FGFR2: variants seen among roughly 807,000 people sequenced by gnomAD.
FGFR2 encodes the protein BEK fibroblast growth factor receptor.
A neutral mutation model predicts 95.9 loss-of-function variants in FGFR2; 19 were observed. That is an observed-to-expected ratio of 0.20 (90% CI 0.14 to 0.29). FGFR2 has a LOEUF of 0.29. Ranked by LOEUF, FGFR2 falls within the 10% of genes least tolerant of loss-of-function variation. The pLI is 1.00. For missense variants in FGFR2, 707 were observed against 1,056.9 expected (o/e 0.67, Z 4.59); for synonymous variants, 392 against 393.3 (o/e 1.00, Z 0.04).
At chr10:121,523,245 G>C (rs1299879953) in intron 6 of FGFR2, among the ~76,000 whole-genome samples, 1 of 152,196 alleles carries the variant, frequency 6.6e-6, no homozygotes, top group Non-Finnish European at 1.5e-5. Flanking sequence ...CAAAGAACCT[G>C]AAGTTAAGAC....
intron 5 of FGFR2, among the ~76,000 whole-genome samples, chr10:121,544,243 C>T (rs1016710584): frequency 6.6e-6 from 1 of 151,908 alleles, no homozygotes; most frequent in Non-Finnish European, 1.5e-5. Context: ...TTCAGGAGAT[C>T]GAGACCAGCC....
chr10:121,581,347 G>C (rs925529668), intron 2 of FGFR2, among the ~76,000 whole-genome samples: 2 of 152,160 alleles, frequency 1.3e-5, no homozygotes, highest in Non-Finnish European at 2.9e-5. Context: ...CACTGGACAA[G>C]GGTCAACCTA....
rs978623127 is a variant in FGFR2 at position 121,542,834 on chromosome 10, C to G, written c.625-4119G>C. Among the ~76,000 whole-genome samples, 5 of 152,146 alleles carry G rather than the reference C, an allele frequency of 3.3e-5. No homozygotes were observed. In the South Asian group the frequency reaches 1.0e-3, roughly 32 times the overall value. ...AAAATGCCTATTAAATCCCAGGCTA[C>G]CCTCAGGTGACAACTGGGAATGTAG... On this transcript the variant is annotated intron_variant, in intron 5 of 17. Transcript: ENST00000358487.
chr10:121,581,146 C>T (rs556956309), intron 2 of FGFR2, among the ~76,000 whole-genome samples: 1 of 152,316 alleles, frequency 6.6e-6, no homozygotes, highest in East Asian at 1.9e-4. Flanking sequence ...GCCTGGAGGC[C>T]GCCGGGATGC....
rs1863206525 is a variant in FGFR2 at position 121,594,921 on chromosome 10, CAACTT to C, written c.-150-959_-150-955del. On this transcript the variant is annotated intron_variant, in intron 1 of 17. Coordinates refer to ENST00000358487, the MANE Select transcript of FGFR2 (RefSeq NM_000141.5). The stretch of plus-strand genomic sequence containing the variant: ...AGAGTATAAGTTAGAAGAGGACACT[CAACTT>C]AATATTCTGTTCACCCATTTGATCC... 2.6e-5 allele frequency among the ~76,000 whole-genome samples: 4 copies of C among 152,338 alleles called. No individual in the cohort carries two copies. In the South Asian group the frequency reaches 6.2e-4, roughly 24 times the overall value.
At chr10:121,502,532 C>T (rs1252116758) in intron 10 of FGFR2, among the ~76,000 whole-genome samples, 6 of 152,196 alleles carry the variant, frequency 3.9e-5, no homozygotes, top group African/African-American at 1.4e-4. Context: ...TGTGACATCA[C>T]GTGAATCAAA....
intron 3 of FGFR2, 76 bp from the exon 4 acceptor site, chr10:121,564,655 C>T (rs1857422686): frequency 3.0e-6 from 4 of 1,319,758 alleles, no homozygotes; most frequent in Non-Finnish European, 4.4e-6. Context: ...CAACTGAGAC[C>T]TTCTCCATAG....
intron 5 of FGFR2, 111 bp from the exon 6 acceptor site, chr10:121,538,826 A>G: frequency 2.9e-6 from 4 of 1,361,018 alleles, no homozygotes; most frequent in Non-Finnish European, 4.1e-6. Context: ...GGTATGGAAG[A>G]ATCACCTAAA....
intron 2 of FGFR2, among the ~76,000 whole-genome samples, chr10:121,592,383 C>G (rs1401597722): frequency 6.6e-6 from 1 of 152,114 alleles, no homozygotes; most frequent in Non-Finnish European, 1.5e-5. Context: ...GCTATACAAG[C>G]CTCAGACACA....
At chr10:121,583,788 G>T (rs902499098) in intron 2 of FGFR2, among the ~76,000 whole-genome samples, 1 of 151,412 alleles carries the variant, frequency 6.6e-6, no homozygotes, top group South Asian at 2.1e-4. Flanking sequence ...TGCTCAGGAA[G>T]AAGGGAAATT....
chr10:121,585,828 C>T (rs765130359), intron 2 of FGFR2, among the ~76,000 whole-genome samples: 11 of 152,132 alleles, frequency 7.2e-5, no homozygotes, highest in Admixed American at 1.3e-4. Context: ...TTCAGTTGTG[C>T]GTCTATTGCA....
Position 121,598,128 on chromosome 10 carries a change from G to T in FGFR2, c.-317C>A. 2.5e-6 allele frequency: 1 copy of T among 398,420 alleles called. No homozygotes were observed. Among genetic ancestry groups the T allele is most frequent in the Non-Finnish European group, 4.4e-6 (1 of 225,934 alleles). The allele number at this position is 398,420 out of a possible 1,614,324, so 24.7% of individuals were successfully genotyped here. A position where few individuals can be genotyped will look rare whatever the true frequency, so the allele number is the denominator to read the frequency against. ...CTCCCGGGCTTCACGCGTACCCCAGGCTGCGGAGGAGCGCGGGCATGACGC... is the reference window on the plus strand; with the variant it reads ...CTCCCGGGCTTCACGCGTACCCCAGTCTGCGGAGGAGCGCGGGCATGACGC... On this transcript the variant is annotated 5_prime_UTR_variant, in exon 1 of 18. Coordinates refer to ENST00000358487, the MANE Select transcript of FGFR2 (RefSeq NM_000141.5).
In FGFR2 at chr10:121,598,203, C is replaced by G. The variant is rs1317235133; in HGVS notation, c.-392G>C. 7.5e-6 allele frequency: 3 copies of G among 397,722 alleles called. No homozygotes were observed. Among genetic ancestry groups the G allele is most frequent in the Non-Finnish European group, 1.3e-5 (3 of 225,616 alleles). 24.6% of individuals were successfully genotyped at this position (397,722 alleles called of 1,614,324 possible). A position where few individuals can be genotyped will look rare whatever the true frequency, so the allele number is the denominator to read the frequency against. On this transcript the variant is annotated 5_prime_UTR_variant, in exon 1 of 18. Transcript: ENST00000358487. ...GAACGAGAGGAAGAAAGGACTCAGGCTTGGCGTTGCCTCCACCAAACTTTG... is the reference window on the plus strand; with the variant it reads ...GAACGAGAGGAAGAAAGGACTCAGGGTTGGCGTTGCCTCCACCAAACTTTG...
At chr10:121,559,990 A>G (rs1856716359) in intron 4 of FGFR2, among the ~76,000 whole-genome samples, 1 of 152,188 alleles carries the variant, frequency 6.6e-6, no homozygotes, top group Non-Finnish European at 1.5e-5. Flanking sequence ...CAGGCATCCA[A>G]AAACCAAGCT....
chr10:121,497,806 C>T (rs989990029), intron 12 of FGFR2, among the ~76,000 whole-genome samples: 7 of 152,142 alleles, frequency 4.6e-5, no homozygotes, highest in African/African-American at 1.2e-4. Context: ...ATGGCAGACA[C>T]GAGAAGTTGC....
chr10:121,551,143 C>A lies in FGFR2; in HGVS notation c.624+147G>T. Reference sequence around the variant, plus strand: ...GCTGAGGCAGGAGAATCGCTTGAACCTGGGAGATGGAGGTTGCAGTGAACC... The same window carrying A: ...GCTGAGGCAGGAGAATCGCTTGAACATGGGAGATGGAGGTTGCAGTGAACC... On this transcript the variant is annotated intron_variant, in intron 5 of 17. Coordinates refer to ENST00000358487, the MANE Select transcript of FGFR2 (RefSeq NM_000141.5). 11 of 872,896 alleles carry A rather than the reference C, an allele frequency of 1.3e-5. No homozygotes were observed. In the South Asian group the frequency reaches 1.6e-4, roughly 13 times the overall value. The allele number at this position is 872,896 out of a possible 1,614,324, so 54.1% of individuals were successfully genotyped here. A position where few individuals can be genotyped will look rare whatever the true frequency, so the allele number is the denominator to read the frequency against.
intron 13 of FGFR2, among the ~76,000 whole-genome samples, chr10:121,493,516 G>A (rs1846397816): frequency 6.6e-6 from 1 of 152,110 alleles, no homozygotes; most frequent in Non-Finnish European, 1.5e-5. Flanking sequence ...TCCCATGTGG[G>A]GCCTCTGTGC....
At chr10:121,513,874 G>T (rs1361355808) in intron 9 of FGFR2, among the ~76,000 whole-genome samples, 1 of 152,176 alleles carries the variant, frequency 6.6e-6, no homozygotes, top group African/African-American at 2.4e-5. Flanking sequence ...TCAGCCAGGA[G>T]TTTGAAGCTG....
In FGFR2 at chr10:121,550,534, G is replaced by A. The variant is rs139792074; in HGVS notation, c.624+756C>T. Among the ~76,000 whole-genome samples, 511 of 152,234 alleles carry A rather than the reference G, an allele frequency of 3.4e-3. 5 individuals carry two copies. The highest frequency in any genetic ancestry group is 6.8e-3 in the Middle Eastern group (2 of 294). Reference sequence around the variant, plus strand: ...GACGTGCTCTCAAGAATCCTTCAAGGAGGACAGCAGATTGCCACTGTCATC... The same window carrying A: ...GACGTGCTCTCAAGAATCCTTCAAGAAGGACAGCAGATTGCCACTGTCATC... On this transcript the variant is annotated intron_variant, in intron 5 of 17. Coordinates refer to ENST00000358487, the MANE Select transcript of FGFR2 (RefSeq NM_000141.5).
Sources: allele counts gnomAD v4.1 joint callset (sites outside exome capture counted in the v4.1 genomes callset), GRCh38; gene constraint gnomAD v4.1.1; transcripts MANE v1.5; gene names NCBI Gene and HGNC (gene_info 2026-07-23, HGNC 2026-07-21).